EXOC5: variants seen among roughly 807,000 people sequenced by gnomAD.
EXOC5 encodes the protein SEC10-like 1.
EXOC5 carries 17 observed loss-of-function variants against 90.8 expected under a neutral mutation model. The ratio of observed to expected loss-of-function variants is 0.19; its 90% CI spans 0.13 to 0.28. The LOEUF is 0.28. Ranked by LOEUF, EXOC5 falls within the 10% of genes least tolerant of loss-of-function variation. EXOC5 has a pLI of 1.00. For synonymous variants in EXOC5, 260 were observed against 270.0 expected (o/e 0.96, Z 0.36); for missense variants, 569 against 830.6 (o/e 0.69, Z 3.87).
chr14:57,268,438 C>T, intron 1 of EXOC5, 184 bp downstream of exon 1: 3 of 1,459,784 alleles, frequency 2.1e-6, no homozygotes, highest in Non-Finnish European at 2.7e-6. Context: ...CGGCCCCAAG[C>T]ACCCCTCCCC....
chr14:57,236,875 G>T (rs1466016880), intron 6 of EXOC5, among the ~76,000 whole-genome samples: 1 of 150,904 alleles, frequency 6.6e-6, no homozygotes, highest in Non-Finnish European at 1.5e-5. Context: ...ATCATGTAAG[G>T]AGTTAAATAG....
intron 1 of EXOC5, among the ~76,000 whole-genome samples, chr14:57,257,085 T>C (rs1237786307): frequency 6.6e-6 from 1 of 152,088 alleles, no homozygotes; most frequent in African/African-American, 2.4e-5. Flanking sequence ...AAAGTGGCAG[T>C]GGATGAGGTG....
At chr14:57,236,589 T>A (rs929001570) in intron 6 of EXOC5, among the ~76,000 whole-genome samples, 4 of 152,148 alleles carry the variant, frequency 2.6e-5, no homozygotes, top group Admixed American at 2.6e-4. Context: ...TCCGGCCCTA[T>A]TCACTATATT....
chr14:57,260,133 C>T (rs1220493163), intron 1 of EXOC5, among the ~76,000 whole-genome samples: 1 of 152,146 alleles, frequency 6.6e-6, no homozygotes, highest in Non-Finnish European at 1.5e-5. Context: ...TTTCTAACCC[C>T]ATTTTCTTTG....
chr14:57,234,452 AT>A (rs1478674407), intron 7 of EXOC5, among the ~76,000 whole-genome samples: 5 of 149,878 alleles, frequency 3.3e-5, no homozygotes, highest in African/African-American at 1.2e-4. Context: ...ACATATATAT[AT>A]GTATGTGTTT....
Position 57,206,203 on chromosome 14 carries a change from C to A in EXOC5, c.*2406G>T, listed in dbSNP as rs1882647617. 1 of 294,982 alleles carries A rather than the reference C, an allele frequency of 3.4e-6. No homozygotes were observed. Among genetic ancestry groups the A allele is most frequent in the Admixed American group, 4.7e-5 (1 of 21,462 alleles). The allele number at this position is 294,982 out of a possible 1,614,324, so 18.3% of individuals were successfully genotyped here. A position where few individuals can be genotyped will look rare whatever the true frequency, so the allele number is the denominator to read the frequency against. On this transcript the variant is annotated 3_prime_UTR_variant, in exon 18 of 18. Transcript: ENST00000621441. ...CTTACGTAAATGTTGGTTAAAGTTA[C>A]CAATTATACAAAGCTCCACTCTCTA...
Position 57,222,409 on chromosome 14 carries a change from T to A in EXOC5, c.1304A>T (p.Asp435Val). 1.3e-6 allele frequency: 2 copies of A among 1,579,754 alleles called. No homozygotes were observed. The highest frequency in any genetic ancestry group is 1.7e-6 in the Non-Finnish European group (2 of 1,159,794). The change falls in exon 13 of 18, where the codon GAT becomes GTT. Residue 435 changes from aspartate (D) to valine (V), a missense_variant. Physicochemically the swap from Asp to Val is radical, Grantham distance 152 (BLOSUM62 -3). Coordinates refer to ENST00000621441, the MANE Select transcript of EXOC5 (RefSeq NM_006544.4). Reference sequence around the variant, plus strand: ...GGCATTCCTTGGTAAGTCAGAAGGATCAGAGAGCTTAAAAACAAAAATCAA... The same window carrying A: ...GGCATTCCTTGGTAAGTCAGAAGGAACAGAGAGCTTAAAAACAAAAATCAA... ...QAFERCHRLS[D>V]PSDLPRNAFR...
rs112114602 is a variant in EXOC5 at position 57,235,403 on chromosome 14, T to C, written c.669+308A>G. Among the ~76,000 whole-genome samples, 337 of 152,228 alleles carry C rather than the reference T, an allele frequency of 2.2e-3. 1 individual carries two copies. The highest frequency in any genetic ancestry group is 7.4e-3 in the African/African-American group (308 of 41,540). ...ACGTTTTCTTTCTTTTCACCTATAT[T>C]ATAATATGTGGAAGCAAAAAGGCAG... is the stretch of plus-strand genomic sequence containing the variant. On this transcript the variant is annotated intron_variant, in intron 7 of 17. Transcript: ENST00000621441.
rs763762014 is a variant in EXOC5, at chr14:57,232,697, T to C, written c.908A>G (p.Tyr303Cys). ...ATACAGATCATAGAGATTTTTGAGATATTGCTCTGCATCGGACTTCCTACA... is the reference window on the plus strand; with the variant it reads ...ATACAGATCATAGAGATTTTTGAGACATTGCTCTGCATCGGACTTCCTACA... ...EECRKSDAEQ[Y>C]LKNLYDLYTR... The change falls in exon 10 of 18, where the codon TAT (tyrosine) becomes TGT (cysteine). Residue 303 changes from tyrosine (Y) to cysteine (C), a missense_variant. This residue lies in a region of EXOC5 where 114 missense variants were observed against 111.2 expected (regional missense o/e 1.03). Transcript: ENST00000621441. 25 of 1,528,372 alleles carry C rather than the reference T, an allele frequency of 1.6e-5. 1 individual carries two copies. In the South Asian group the frequency reaches 2.3e-4, roughly 14 times the overall value. 94.7% of individuals were successfully genotyped at this position (1,528,372 alleles called of 1,614,324 possible).
At chr14:57,255,592 T>C (rs781753649) in intron 1 of EXOC5, among the ~76,000 whole-genome samples, 1 of 152,144 alleles carries the variant, frequency 6.6e-6, no homozygotes, top group Non-Finnish European at 1.5e-5. Context: ...AATGATGCAC[T>C]GATCGGGTGT....
rs2139596638 is a variant in EXOC5, at chr14:57,201,679, G to A, written c.*6930C>T. ...GTGGGCAGATCACTTAAGGCTAGGA[G>A]TTTGACACCAGCCTGACCAACACGG... On this transcript the variant is annotated 3_prime_UTR_variant, in exon 18 of 18. Transcript: ENST00000621441. The A allele has an allele frequency of 6.6e-6, 1 of 150,690 alleles. No individual in the cohort carries two copies. Among genetic ancestry groups the A allele is most frequent in the Admixed American group, 6.6e-5 (1 of 15,090 alleles). The allele number at this position is 150,690 out of a possible 1,614,324, so 9.3% of individuals were successfully genotyped here. A position where few individuals can be genotyped will look rare whatever the true frequency, so the allele number is the denominator to read the frequency against.
At chr14:57,234,785 G>A (rs1159033587) in intron 7 of EXOC5, among the ~76,000 whole-genome samples, 4 of 151,738 alleles carry the variant, frequency 2.6e-5, no homozygotes, top group African/African-American at 4.8e-5. Context: ...AGCTGATCTC[G>A]AACTCCTGAG....
At chr14:57,236,919 AAG>A (rs1443124823) in intron 6 of EXOC5, among the ~76,000 whole-genome samples, 1 of 152,190 alleles carries the variant, frequency 6.6e-6, no homozygotes, top group South Asian at 2.1e-4. Flanking sequence ...TAAAAAAAAA[AAG>A]AGAGAATCTT....
At chr14:57,262,142 A>C (rs181831242) in intron 1 of EXOC5, among the ~76,000 whole-genome samples, 2 of 152,296 alleles carry the variant, frequency 1.3e-5, no homozygotes, top group Non-Finnish European at 2.9e-5. Context: ...TCTAGTTCTC[A>C]TCTCAATCCA....
rs1338905497 is a variant in EXOC5 at position 57,202,564 on chromosome 14, C to A, written c.*6045G>T. Reference sequence around the variant, plus strand: ...GTTTCAAAAATTTTTCTTTAAAAAGCAGAATGTAGAACACTAATCAGTAGA... The same window carrying A: ...GTTTCAAAAATTTTTCTTTAAAAAGAAGAATGTAGAACACTAATCAGTAGA... On this transcript the variant is annotated 3_prime_UTR_variant, in exon 18 of 18. Coordinates refer to ENST00000621441, the MANE Select transcript of EXOC5 (RefSeq NM_006544.4). 3 of 152,056 alleles carry A rather than the reference C, an allele frequency of 2.0e-5. No individual in the cohort carries two copies. Among genetic ancestry groups the A allele is most frequent in the Admixed American group, 6.6e-5 (1 of 15,254 alleles). The allele number at this position is 152,056 out of a possible 1,614,324, so 9.4% of individuals were successfully genotyped here.
At chr14:57,262,571 T>TAC (rs1332367040) in intron 1 of EXOC5, among the ~76,000 whole-genome samples, 5 of 147,976 alleles carry the variant, frequency 3.4e-5, no homozygotes, top group East Asian at 2.0e-4. Flanking sequence ...TGTGTATATA[T>TAC]ATATACGTAT....
Position 57,219,454 on chromosome 14 carries a change from A to C in EXOC5, c.1406-12T>G. ...TGAAGAGGGAATTCCTAAAACCAGA[A>C]AGCATACATATGTTAGAATCATCCT... On this transcript the variant is annotated splice_polypyrimidine_tract_variant and intron_variant, in intron 13 of 17. Coordinates refer to ENST00000621441, the MANE Select transcript of EXOC5 (RefSeq NM_006544.4). The C allele has an allele frequency of 6.4e-7, 1 of 1,563,214 alleles. No individual in the cohort carries two copies. Among genetic ancestry groups the C allele is most frequent in the East Asian group, 2.3e-5 (1 of 43,692 alleles).
chr14:57,225,057 G>A (rs188960875), intron 12 of EXOC5, among the ~76,000 whole-genome samples: 5 of 151,194 alleles, frequency 3.3e-5, no homozygotes, highest in African/African-American at 9.7e-5. Flanking sequence ...GTGAGACTCC[G>A]TCTCCAAAAA....
At chr14:57,257,746 GCTTT>G (rs1217054094) in intron 1 of EXOC5, among the ~76,000 whole-genome samples, 1 of 152,066 alleles carries the variant, frequency 6.6e-6, no homozygotes, top group Non-Finnish European at 1.5e-5. Context: ...CTAATGCCTT[GCTTT>G]CTAATACTTT....
Sources: gnomAD v4.1 joint callset for allele counts (sites outside exome capture counted in the v4.1 genomes callset) on GRCh38, gnomAD v4.1.1 for gene constraint, gnomAD v4.1.1 regional missense constraint, MANE v1.5 for transcripts, NCBI Gene and HGNC (gene_info 2026-07-23, HGNC 2026-07-21) for gene names.